The following FREM2 variants were observed in gnomAD, a reference collection of about 807,000 sequenced individuals.
The protein encoded by FREM2 is FRAS1-related extracellular matrix protein 2.
A neutral mutation model predicts 219.9 loss-of-function variants in FREM2; 119 were observed. That is an observed-to-expected ratio of 0.54 (90% CI 0.47 to 0.63). The LOEUF is 0.63. Among genes scored for constraint, FREM2 ranks in the 30% least tolerant of loss-of-function variants. The pLI is 0.00. For synonymous variants in FREM2, 1,562 were observed against 1,522.8 expected (o/e 1.03, Z -0.60); for missense variants, 4,030 against 3,993.6 (o/e 1.01, Z -0.25).
chr13:38,833,874 C>T (rs1297218691), intron 6 of FREM2, among the ~76,000 whole-genome samples: 1 of 152,110 alleles, frequency 6.6e-6, no homozygotes, highest in African/African-American at 2.4e-5. Context: ...ACTCCTTTGG[C>T]TTCACCTACC....
At chr13:38,837,058 C>T (rs545780617) in intron 6 of FREM2, among the ~76,000 whole-genome samples, 14 of 152,128 alleles carry the variant, frequency 9.2e-5, no homozygotes, top group East Asian at 3.9e-4. Flanking sequence ...AGACCTTTCC[C>T]GCTTTCTTCT....
intron 6 of FREM2, among the ~76,000 whole-genome samples, chr13:38,843,269 T>A (rs886644010): frequency 6.7e-6 from 1 of 148,480 alleles, no homozygotes; most frequent in Non-Finnish European, 1.5e-5. Context: ...ATCCATTAAG[T>A]CTGTGAACTT....
intron 6 of FREM2, among the ~76,000 whole-genome samples, chr13:38,820,046 T>C (rs763067638): frequency 6.6e-6 from 1 of 152,160 alleles, no homozygotes; most frequent in Non-Finnish European, 1.5e-5. Context: ...AATTGAAATG[T>C]CATAGATAAT....
In FREM2 at chr13:38,885,887, C is replaced by T. The variant is rs893341696; in HGVS notation, c.*5100C>T. 4.9e-4 allele frequency: 74 copies of T among 152,084 alleles called. No homozygotes were observed. The highest frequency in any genetic ancestry group is 1.4e-3 in the African/African-American group (58 of 41,492). The allele number at this position is 152,084 out of a possible 1,614,324, so 9.4% of individuals were successfully genotyped here. A position where few individuals can be genotyped will look rare whatever the true frequency, so the allele number is the denominator to read the frequency against. ...CATGTATGTAGTTCTTTTGGATGACCGAATACCTTAAAATGAACTAAATAA... is the reference window on the plus strand; with the variant it reads ...CATGTATGTAGTTCTTTTGGATGACTGAATACCTTAAAATGAACTAAATAA... On this transcript the variant is annotated 3_prime_UTR_variant, in exon 24 of 24. Coordinates refer to ENST00000280481, the MANE Select transcript of FREM2 (RefSeq NM_207361.6).
At chr13:38,829,624 G>A (rs1287016962) in intron 6 of FREM2, among the ~76,000 whole-genome samples, 1 of 150,656 alleles carries the variant, frequency 6.6e-6, no homozygotes, top group Non-Finnish European at 1.5e-5. Context: ...GGAGACCTCA[G>A]TAAAATGTAT....
chr13:38,769,631 G>A lies in FREM2; in HGVS notation c.5464G>A (p.Ala1822Thr). The A allele has an allele frequency of 1.9e-6, 3 of 1,614,166 alleles. No homozygotes were observed. The highest frequency in any genetic ancestry group is 2.5e-6 in the Non-Finnish European group (3 of 1,180,010). ...AAAAGACAAAGACTTCAAGGGCAAA[G>A]CACAGAAACAAGTGCAGTTCAACCC... ...AEKDKDFKGK[A>T]QKQVQFNPGQ... The change falls in exon 4 of 24, where the codon GCA becomes ACA. Residue 1822 changes from alanine (A) to threonine (T), a missense_variant. Ala to Thr is a moderately conservative substitution (Grantham distance 58). This residue lies in a region of FREM2 where 3,102 missense variants were observed against 2,950.7 expected (regional missense o/e 1.05). Transcript: ENST00000280481.
At chr13:38,809,582 C>T (rs1875393768) in intron 6 of FREM2, among the ~76,000 whole-genome samples, 1 of 151,922 alleles carries the variant, frequency 6.6e-6, no homozygotes, top group Non-Finnish European at 1.5e-5. Flanking sequence ...ATTGAAGAGA[C>T]TTTTTCCCAA....
chr13:38,840,278 G>C (rs151271056), intron 6 of FREM2, among the ~76,000 whole-genome samples: 2 of 152,038 alleles, frequency 1.3e-5, no homozygotes, highest in African/African-American at 4.8e-5. Flanking sequence ...CTCTCCATGG[G>C]CTGCATCCAC....
At chr13:38,860,786 A>G (rs1462626397) in intron 14 of FREM2, among the ~76,000 whole-genome samples, 3 of 152,214 alleles carry the variant, frequency 2.0e-5, no homozygotes, top group African/African-American at 4.8e-5. Flanking sequence ...AAAGAGTTTC[A>G]TGTCCAAATT....
chr13:38,691,365 T>C lies in FREM2; in HGVS notation c.4021T>C (p.Tyr1341His). 1 of 1,614,058 alleles carries C rather than the reference T, an allele frequency of 6.2e-7. No homozygotes were observed. Among genetic ancestry groups the C allele is most frequent in the Admixed American group, 1.7e-5 (1 of 60,026 alleles). Residue 1341 changes from tyrosine (Y) to histidine (H), a missense_variant, in exon 1 of 24, where the codon TAT (tyrosine) becomes CAT (histidine). Transcript: ENST00000280481. Reference sequence around the variant, plus strand: ...AGATTCAGAAGACAAATCTTTGGTTTATATTATTCGTTATGGGCCAGGACA... The same window carrying C: ...AGATTCAGAAGACAAATCTTTGGTTCATATTATTCGTTATGGGCCAGGACA... ...DLDSEDKSLVYIIRYGPGHGL... is the reference protein window; with the variant it reads ...DLDSEDKSLVHIIRYGPGHGL...
In FREM2 at chr13:38,878,336, C is replaced by T; in HGVS notation, c.8859+15C>T. 6.3e-7 allele frequency: 1 copy of T among 1,599,082 alleles called. No homozygotes were observed. Among genetic ancestry groups the T allele is most frequent in the Non-Finnish European group, 8.6e-7 (1 of 1,167,630 alleles). ...TTAAAATTGTGGTAAGTGCTTTGAC[C>T]CAAAAAATGAGCTAGATAGATTTTT... On this transcript the variant is annotated intron_variant, in intron 22 of 23. Coordinates refer to ENST00000280481, the MANE Select transcript of FREM2 (RefSeq NM_207361.6).
chr13:38,814,861 G>A (rs985091459), intron 6 of FREM2, among the ~76,000 whole-genome samples: 4 of 152,138 alleles, frequency 2.6e-5, no homozygotes, highest in African/African-American at 9.7e-5. Context: ...ACTGATCCAT[G>A]GGGGGCTCTA....
chr13:38,846,845 G>A, intron 7 of FREM2, 123 bp downstream of exon 7: 1 of 1,100,766 alleles, frequency 9.1e-7, no homozygotes, highest in Non-Finnish European at 1.4e-6. Context: ...TATTGTTTTT[G>A]CTGAAATTAT....
At chr13:38,696,860 T>G (rs1870129842) in intron 1 of FREM2, among the ~76,000 whole-genome samples, 1 of 150,248 alleles carries the variant, frequency 6.7e-6, no homozygotes, top group Admixed American at 6.7e-5. Flanking sequence ...CAGGCTAGAG[T>G]GCAGTGGTGC....
intron 6 of FREM2, among the ~76,000 whole-genome samples, chr13:38,844,576 T>C (rs1474398835): frequency 6.6e-6 from 1 of 152,222 alleles, no homozygotes; most frequent in Non-Finnish European, 1.5e-5. Context: ...AGTTGTATAT[T>C]CACTCATTTG....
chr13:38,813,168 G>T (rs1230632450), intron 6 of FREM2, among the ~76,000 whole-genome samples: 1 of 151,948 alleles, frequency 6.6e-6, no homozygotes, highest in Admixed American at 6.6e-5. Flanking sequence ...TGTTCCTTCA[G>T]ATGATTTCTT....
intron 6 of FREM2, among the ~76,000 whole-genome samples, chr13:38,804,859 G>A (rs1314350711): frequency 1.3e-5 from 2 of 152,064 alleles, no homozygotes; most frequent in Non-Finnish European, 2.9e-5. Flanking sequence ...CAGCTCCTTG[G>A]ATTGGGAGTT....
chr13:38,729,949 A>C (rs1049939096), intron 2 of FREM2, among the ~76,000 whole-genome samples: 3 of 152,242 alleles, frequency 2.0e-5, no homozygotes, highest in African/African-American at 7.2e-5. Flanking sequence ...AGTCAGAATA[A>C]AGCTACACTC....
Position 38,886,385 on chromosome 13 carries a change from T to TAGAGAG in FREM2, c.*5606_*5611dup, listed in dbSNP as rs5802960. ...ACATATATGTACATACATATATATATAGAGAGAGAGAGATAGATTTTTTTT... is the reference window on the plus strand; with the variant it reads ...ACATATATGTACATACATATATATATAGAGAGAGAGAGAGAGAGATAGATTTTTTTT... On this transcript the variant is annotated 3_prime_UTR_variant, in exon 24 of 24. Coordinates refer to ENST00000280481, the MANE Select transcript of FREM2 (RefSeq NM_207361.6). 6.7e-6 allele frequency: 1 copy of TAGAGAG among 149,972 alleles called. No homozygotes were observed. The allele number at this position is 149,972 out of a possible 1,614,324, so 9.3% of individuals were successfully genotyped here.
Sources: allele counts gnomAD v4.1 joint callset (sites outside exome capture counted in the v4.1 genomes callset), GRCh38; gene constraint gnomAD v4.1.1; regional missense constraint gnomAD v4.1.1; transcripts MANE v1.5; gene names NCBI Gene and HGNC (gene_info 2026-07-23, HGNC 2026-07-21).